The following MCF2L2 variants were observed in gnomAD, a reference collection of about 807,000 sequenced individuals.
The protein encoded by MCF2L2 is probable guanine nucleotide exchange factor MCF2L2.
A neutral mutation model predicts 150.2 loss-of-function variants in MCF2L2; 102 were observed. The ratio of observed to expected loss-of-function variants is 0.68; its 90% confidence interval spans 0.58 to 0.80. The LOEUF is 0.80. Ranked by LOEUF, MCF2L2 falls within the 30% of genes least tolerant of loss-of-function variation. The probability of loss-of-function intolerance (pLI) is 0.00; values close to 1 mark genes in which losing one functional copy is unlikely to be tolerated. For missense variants in MCF2L2, 1,256 were observed against 1,372.8 expected (o/e 0.91, Z 1.34); for synonymous variants, 465 against 491.3 (o/e 0.95, Z 0.71).
intron 1 of MCF2L2, among the ~76,000 whole-genome samples, chr3:183,426,252 C>A (rs1716157704): frequency 6.6e-6 from 1 of 152,152 alleles, no homozygotes; most frequent in Non-Finnish European, 1.5e-5. Flanking sequence ...AGGAATACTG[C>A]CTGCCAGATT....
Position 183,197,795 on chromosome 3 carries a change from A to G in MCF2L2, c.2885-2540T>C, listed in dbSNP as rs1414076131. ...AAAAGATTTGAACAGACACTTCACC[A>G]AAGAAGAGATAAAGATGGCAAAGAA... is the stretch of plus-strand genomic sequence containing the variant. On this transcript the variant is annotated intron_variant, in intron 25 of 29. Coordinates refer to ENST00000328913, the MANE Select transcript of MCF2L2 (RefSeq NM_015078.4). The surrounding 1 kb of genome is among the most constrained non-coding windows in gnomAD (Gnocchi z 4.5). 6.6e-6 allele frequency among the ~76,000 whole-genome samples: 1 copy of G among 152,200 alleles called. No individual in the cohort carries two copies. The highest frequency in any genetic ancestry group is 6.5e-5 in the Admixed American group (1 of 15,280).
At chr3:183,271,641 G>GTATT (rs1398549680) in intron 15 of MCF2L2, 1 of 166,648 alleles carries the variant, frequency 6.0e-6, no homozygotes, top group East Asian at 1.9e-4. Context: ...TTTTTTTTAA[G>GTATT]TATTAGAAAA....
intron 1 of MCF2L2, among the ~76,000 whole-genome samples, chr3:183,418,184 T>C (rs147691945): frequency 0.088 from 13,354 of 151,948 alleles, 599 homozygotes; most frequent in African/African-American, 0.11. Flanking sequence ...CAAGACTCCA[T>C]CTCAAAAAAT....
intron 21 of MCF2L2, among the ~76,000 whole-genome samples, chr3:183,216,753 C>T (rs1259161621): frequency 1.6e-4 from 24 of 149,486 alleles, no homozygotes; most frequent in African/African-American, 4.9e-4. Context: ...TACAGGTGTG[C>T]GCCACCATGC....
Position 183,229,724 on chromosome 3 carries a change from G to T in MCF2L2, c.1987C>A (p.Gln663Lys). Reference protein sequence around the residue: ...WLKHLIPDVLQNNKDFLFGNI... With the variant: ...WLKHLIPDVLKNNKDFLFGNI... ...CCAAAGAGAAAGTCCTTGTTATTCT[G>T]AAGAACATCTGGAATTAGATGCTTT... is the stretch of plus-strand genomic sequence containing the variant. Residue 663 changes from glutamine (Q) to lysine (K), a missense_variant, in exon 17 of 30, where the codon CAG becomes AAG. Physicochemically the swap from Gln to Lys is moderately conservative, Grantham distance 53 (BLOSUM62 1). Transcript: ENST00000328913. 1 of 1,605,044 alleles carries T rather than the reference G, an allele frequency of 6.2e-7. No individual in the cohort carries two copies. Among genetic ancestry groups the T allele is most frequent in the Non-Finnish European group, 8.5e-7 (1 of 1,173,514 alleles).
At chr3:183,320,156 G>T (rs1043744826) in intron 6 of MCF2L2, among the ~76,000 whole-genome samples, 1 of 148,916 alleles carries the variant, frequency 6.7e-6, no homozygotes, top group African/African-American at 2.5e-5. Context: ...GCAGTGGCGC[G>T]ATCTCAGCTC....
At chr3:183,228,195 A>G in intron 18 of MCF2L2, 102 bp downstream of exon 18, 7 of 805,638 alleles carry the variant, frequency 8.7e-6, no homozygotes, top group Non-Finnish European at 1.3e-5. Context: ...AGGGAAGCAG[A>G]TATGTTTTTA....
intron 3 of MCF2L2, chr3:183,376,674 A>T (rs570811840): frequency 6.6e-6 from 1 of 152,388 alleles, no homozygotes; most frequent in East Asian, 1.9e-4. Flanking sequence ...ACAGATTAAC[A>T]TGAGAAAAGC....
intron 14 of MCF2L2, 131 bp from the exon 15 acceptor site, chr3:183,277,088 G>T: frequency 3.2e-6 from 2 of 631,334 alleles, no homozygotes; most frequent in South Asian, 2.0e-5. Context: ...AGTTTCTCAT[G>T]CCGCTTTCTC....
intron 15 of MCF2L2, among the ~76,000 whole-genome samples, chr3:183,242,595 T>A (rs749165393): frequency 1.3e-5 from 2 of 152,148 alleles, no homozygotes; most frequent in Non-Finnish European, 2.9e-5. Flanking sequence ...TTGAGGTGGA[T>A]GTACAGAAAT....
intron 13 of MCF2L2, among the ~76,000 whole-genome samples, chr3:183,292,871 TAAC>T (rs1728246453): frequency 6.6e-6 from 1 of 151,578 alleles, no homozygotes; most frequent in Non-Finnish European, 1.5e-5. Context: ...AGAGATATGA[TAAC>T]AAGCCAATAG....
At chr3:183,286,709 G>T (rs890080627) in intron 14 of MCF2L2, among the ~76,000 whole-genome samples, 2 of 152,132 alleles carry the variant, frequency 1.3e-5, no homozygotes, top group Non-Finnish European at 2.9e-5. Context: ...CTTTCTTCCT[G>T]CTCATGTTGT....
chr3:183,195,141 C>G (rs1398472334), intron 26 of MCF2L2, 81 bp downstream of exon 26: 1 of 1,129,548 alleles, frequency 8.9e-7, no homozygotes, highest in African/African-American at 1.6e-5. Context: ...GGAAGAAAAG[C>G]AATAAAAGCA....
chr3:183,317,706 C>T (rs560076802), intron 7 of MCF2L2, among the ~76,000 whole-genome samples: 44 of 152,188 alleles, frequency 2.9e-4, no homozygotes, highest in Non-Finnish European at 5.7e-4. Flanking sequence ...CTGTCTTGCT[C>T]TGTCCTGAGC....
intron 1 of MCF2L2, among the ~76,000 whole-genome samples, chr3:183,411,598 A>G (rs1715318702): frequency 6.6e-6 from 1 of 151,414 alleles, no homozygotes; most frequent in African/African-American, 2.4e-5. Context: ...TTCTGTAGAA[A>G]TGTTAGGCTA....
At chr3:183,300,793 G>A (rs112417384) in intron 10 of MCF2L2, among the ~76,000 whole-genome samples, 11,566 of 151,902 alleles carry the variant, frequency 0.076, 1,100 homozygotes, top group African/African-American at 0.22. Context: ...GAGGTGGGCG[G>A]ATCACCTGAG....
intron 20 of MCF2L2, among the ~76,000 whole-genome samples, chr3:183,220,813 T>C (rs1202081973): frequency 6.6e-6 from 1 of 152,232 alleles, no homozygotes; most frequent in African/African-American, 2.4e-5. Context: ...CTACTAGTGT[T>C]TATTCTTTTG....
At chr3:183,295,181 T>C in intron 13 of MCF2L2, 119 bp downstream of exon 13, 1 of 1,026,526 alleles carries the variant, frequency 9.7e-7, no homozygotes, top group Non-Finnish European at 1.4e-6. Flanking sequence ...ATCTGTAGTT[T>C]GTTTTAAATA....
intron 14 of MCF2L2, 100 bp downstream of exon 14, chr3:183,289,020 T>C (rs919885397): frequency 1.3e-6 from 1 of 794,344 alleles, no homozygotes; most frequent in African/African-American, 1.7e-5. Flanking sequence ...GTGCCTTAGG[T>C]ACAGATTAAG....
Sources: gnomAD v4.1 joint callset for allele counts (sites outside exome capture counted in the v4.1 genomes callset) on GRCh38, gnomAD v4.1.1 for gene constraint, Gnocchi (gnomAD v3.1) non-coding constraint, MANE v1.5 for transcripts, NCBI Gene and HGNC (gene_info 2026-07-23, HGNC 2026-07-21) for gene names.